HNF1A: variants seen among roughly 807,000 people sequenced by gnomAD.
HNF1A encodes hepatocyte nuclear factor 1-alpha.
In HNF1A, 21 loss-of-function variants were observed where a neutral mutation model predicts 62.2. The ratio of observed to expected loss-of-function variants is 0.34; its 90% CI spans 0.24 to 0.49. HNF1A has a LOEUF of 0.49. Among genes scored for constraint, HNF1A ranks in the 20% least tolerant of loss-of-function variants. The pLI is 0.99. For missense variants in HNF1A, 687 were observed against 832.3 expected (o/e 0.83, Z 2.15); for synonymous variants, 374 against 366.8 (o/e 1.02, Z -0.22).
At chr12:120,981,797 T>G (rs904612726) in intron 1 of HNF1A, among the ~76,000 whole-genome samples, 2 of 152,210 alleles carry the variant, frequency 1.3e-5, no homozygotes, top group South Asian at 4.1e-4. Flanking sequence ...TTCTATCTCC[T>G]GCCATGAAAA....
intron 9 of HNF1A, 139 bp from the exon 10 acceptor site, chr12:121,000,926 G>GTT: frequency 8.2e-7 from 1 of 1,225,252 alleles, no homozygotes; most frequent in South Asian, 1.3e-5. Context: ...GGGTAGAGGT[G>GTT]TGACTTTGGG....
chr12:120,982,763 G>A (rs546990288), intron 1 of HNF1A, among the ~76,000 whole-genome samples: 7 of 152,238 alleles, frequency 4.6e-5, no homozygotes, highest in African/African-American at 1.7e-4. Context: ...ATGACTGAAG[G>A]CAAGCCAGGA....
intron 4 of HNF1A, among the ~76,000 whole-genome samples, chr12:120,995,371 A>G (rs562304321): frequency 6.6e-6 from 1 of 151,030 alleles, no homozygotes; most frequent in East Asian, 2.0e-4. Context: ...CTGCACTCCA[A>G]CCAGCTCCAT....
chr12:120,978,600 G>T lies in HNF1A; in HGVS notation c.-169G>T, dbSNP rs748882858. ...TGATTCACGGGCCGCTGGGGCCAGG[G>T]TTGGGGGTTGGGGGTGCCCACAGGG... On this transcript the variant is annotated 5_prime_UTR_variant, in exon 1 of 10. Transcript: ENST00000257555. The T allele has an allele frequency of 4.4e-6, 3 of 687,336 alleles. No homozygotes were observed. The highest frequency in any genetic ancestry group is 7.8e-6 in the Non-Finnish European group (3 of 382,654). 42.6% of individuals were successfully genotyped at this position (687,336 alleles called of 1,614,324 possible). A position where few individuals can be genotyped will look rare whatever the true frequency, so the allele number is the denominator to read the frequency against.
chr12:120,978,568 G>T lies in HNF1A; in HGVS notation c.-201G>T. The T allele has an allele frequency of 1.6e-6, 1 of 642,694 alleles. No individual in the cohort carries two copies. Among genetic ancestry groups the T allele is most frequent in the Non-Finnish European group, 2.8e-6 (1 of 357,768 alleles). The allele number at this position is 642,694 out of a possible 1,614,324, so 39.8% of individuals were successfully genotyped here. A position where few individuals can be genotyped will look rare whatever the true frequency, so the allele number is the denominator to read the frequency against. On this transcript the variant is annotated 5_prime_UTR_variant, in exon 1 of 10. The change creates a new upstream start codon in the 5' untranslated region. Coordinates refer to ENST00000257555, the MANE Select transcript of HNF1A (RefSeq NM_000545.8). ...AGCTCCAATGTAAACAGAACAGGCA[G>T]GGGCCCTGATTCACGGGCCGCTGGG... is the stretch of plus-strand genomic sequence containing the variant.
rs1877103499 is a variant in HNF1A at position 120,996,474 on chromosome 12, G to C, written c.1107+61G>C. On this transcript the variant is annotated intron_variant, in intron 5 of 9. Transcript: ENST00000257555. This position sits in a 1 kb window ranked among gnomAD's most constrained non-coding sequence, Gnocchi z 4.5. ...ATCTTTCCTTGGCAGGGAGATTCTG[G>C]AGCAGTCCCTAGGGAGGCCCTGTGG... The C allele has an allele frequency of 6.2e-7, 1 of 1,613,464 alleles. No homozygotes were observed. Among genetic ancestry groups the C allele is most frequent in the East Asian group, 2.2e-5 (1 of 44,872 alleles).
At chr12:120,991,920 GTTAGAAATGTCA>G (rs766226648) in intron 2 of HNF1A, among the ~76,000 whole-genome samples, 1 of 152,172 alleles carries the variant, frequency 6.6e-6, no homozygotes, top group Non-Finnish European at 1.5e-5. Context: ...ATTTCTAACA[GTTAGAAATGTCA>G]TCAAGGACTT....
chr12:120,988,955 A>G lies in HNF1A; in HGVS notation c.449A>G (p.Lys150Arg). The stretch of plus-strand genomic sequence containing the variant: ...TCCCACCTGTCCCAACACCTCAACA[A>G]GGGCACTCCCATGAAGACGCAGAAG... ...NQSHLSQHLN[K>R]GTPMKTQKRA... The change falls in exon 2 of 10, where the codon AAG becomes AGG. Residue 150 changes from lysine (K) to arginine (R), a missense_variant. Lys to Arg is a conservative substitution (Grantham distance 26, BLOSUM62 2). Around this residue, in one of 5 missense-constraint regions of HNF1A, gnomAD observed 26 missense variants for 60.7 expected, o/e 0.43. Coordinates refer to ENST00000257555, the MANE Select transcript of HNF1A (RefSeq NM_000545.8). The G allele has an allele frequency of 3.1e-6, 5 of 1,614,178 alleles. No individual in the cohort carries two copies. Among genetic ancestry groups the G allele is most frequent in the Non-Finnish European group, 4.2e-6 (5 of 1,180,038 alleles).
At chr12:120,983,385 AT>A (rs1243894056) in intron 1 of HNF1A, among the ~76,000 whole-genome samples, 1 of 152,064 alleles carries the variant, frequency 6.6e-6, no homozygotes, top group Non-Finnish European at 1.5e-5. Flanking sequence ...GTAGGGGTGG[AT>A]TTACCCCACG....
In HNF1A at chr12:120,997,588, C is replaced by G. The variant is rs193922580; in HGVS notation, c.1424C>G (p.Pro475Arg). ...SQPLHPSYQQ[P>R]LMPPVQSHVT... ...CCGCTGCACCCCTCCTACCAGCAGCCGCTCATGCCACCTGTGCAGAGCCAT... is the reference window on the plus strand; with the variant it reads ...CCGCTGCACCCCTCCTACCAGCAGCGGCTCATGCCACCTGTGCAGAGCCAT... Residue 475 changes from proline (P) to arginine (R), a missense_variant, in exon 7 of 10, where the codon CCG becomes CGG. This residue lies in a region of HNF1A where 408 missense variants were observed against 455.3 expected (regional missense o/e 0.90). Coordinates refer to ENST00000257555, the MANE Select transcript of HNF1A (RefSeq NM_000545.8). 2.5e-6 allele frequency: 4 copies of G among 1,613,720 alleles called. No individual in the cohort carries two copies. Among genetic ancestry groups the G allele is most frequent in the Non-Finnish European group, 2.5e-6 (3 of 1,180,002 alleles).
intron 1 of HNF1A, 123 bp downstream of exon 1, chr12:120,979,217 A>AG (rs1876126812): frequency 1.1e-6 from 1 of 904,292 alleles, no homozygotes; most frequent in African/African-American, 1.6e-5. Flanking sequence ...GTTGCTGGGA[A>AG]GGGGGACAGG....
chr12:121,000,251 G>A (rs1877362964), intron 9 of HNF1A, among the ~76,000 whole-genome samples: 1 of 152,102 alleles, frequency 6.6e-6, no homozygotes, highest in African/African-American at 2.4e-5. Flanking sequence ...CTTTCTATAA[G>A]GTTCCTGGAC....
intron 2 of HNF1A, among the ~76,000 whole-genome samples, chr12:120,990,036 C>T (rs1407695358): frequency 6.6e-6 from 1 of 152,160 alleles, no homozygotes; most frequent in Non-Finnish European, 1.5e-5. Context: ...TTCTCCAGGC[C>T]TCATACCCCA....
intron 3 of HNF1A, 21 bp downstream of exon 3, chr12:120,993,727 C>T (rs756804036): frequency 2.9e-5 from 47 of 1,612,252 alleles, no homozygotes; most frequent in Middle Eastern, 1.6e-4. Context: ...GGGCGGGAAA[C>T]AGTGCTGGTT....
chr12:120,992,754 G>A (rs1029212984), intron 2 of HNF1A, among the ~76,000 whole-genome samples: 5 of 152,130 alleles, frequency 3.3e-5, no homozygotes, highest in Non-Finnish European at 5.9e-5. Flanking sequence ...AACAGAAGGA[G>A]ACCCCATCTC....
At chr12:120,999,219 G>T (rs1367227921) in intron 7 of HNF1A, 49 bp from the exon 8 acceptor site, 1 of 1,611,488 alleles carries the variant, frequency 6.2e-7, no homozygotes, top group Non-Finnish European at 8.5e-7. Flanking sequence ...CTGGGACTAG[G>T]GCTGTCAGGC....
intron 4 of HNF1A, among the ~76,000 whole-genome samples, chr12:120,995,946 C>A (rs1877077571): frequency 6.6e-6 from 1 of 152,162 alleles, no homozygotes; most frequent in Non-Finnish European, 1.5e-5. Flanking sequence ...TGTATCAATT[C>A]AATTCATTTC....
chr12:120,999,444 C>A (rs775625088), intron 8 of HNF1A, 39 bp from the exon 9 acceptor site: 11 of 1,613,848 alleles, frequency 6.8e-6, no homozygotes, highest in Middle Eastern at 3.3e-4. Flanking sequence ...CCCTCACCCC[C>A]ACATCCCCCG....
intron 2 of HNF1A, among the ~76,000 whole-genome samples, chr12:120,989,892 C>CG (rs1876724375): frequency 6.6e-6 from 1 of 151,860 alleles, no homozygotes; most frequent in African/African-American, 2.4e-5. Context: ...CCCATGGAGA[C>CG]GCAGGGAAGG....
Sources: gnomAD v4.1 joint callset for allele counts (sites outside exome capture counted in the v4.1 genomes callset) on GRCh38, gnomAD v4.1.1 for gene constraint, gnomAD v4.1.1 regional missense constraint, Gnocchi (gnomAD v3.1) non-coding constraint, MANE v1.5 for transcripts, NCBI Gene and HGNC (gene_info 2026-07-23, HGNC 2026-07-21) for gene names.